The following ICA1 variants were observed in gnomAD, a reference collection of about 807,000 sequenced individuals.
ICA1 encodes the protein 69 kDa islet cell autoantigen.
In ICA1, 40 loss-of-function variants were observed where a neutral mutation model predicts 71.0. That is an observed-to-expected ratio of 0.56 (90% CI 0.44 to 0.73). ICA1 has a LOEUF of 0.73. ICA1 is among the 30% of genes least tolerant of loss of function. ICA1 has a pLI of 0.00. For synonymous variants in ICA1, 207 were observed against 209.5 expected (o/e 0.99, Z 0.10); for missense variants, 578 against 576.5 (o/e 1.00, Z -0.03).
intron 6 of ICA1, among the ~76,000 whole-genome samples, chr7:8,188,873 A>G (rs1784671524): frequency 1.3e-5 from 2 of 152,168 alleles, no homozygotes; most frequent in South Asian, 4.1e-4. Context: ...TCTATCTTTC[A>G]GTGACGCAAA....
In ICA1 at chr7:8,204,941, A is replaced by T. The variant is rs144685554; in HGVS notation, c.579+13364T>A. On this transcript the variant is annotated intron_variant, in intron 6 of 13. Transcript: ENST00000402384. ...AGGAGGGACAATTAAGTCCACAATG[A>T]ATCTAATAGGTTTTGCCTAAAACCT... 6.6e-5 allele frequency among the ~76,000 whole-genome samples: 10 copies of T among 152,296 alleles called. No individual in the cohort carries two copies. The East Asian group carries it at 1.9e-3, about 29-fold the overall frequency.
intron 4 of ICA1, among the ~76,000 whole-genome samples, chr7:8,225,303 G>C (rs1004807711): frequency 1.3e-5 from 2 of 152,056 alleles, no homozygotes. Context: ...TCTTCATATA[G>C]ATTTAAGGGA....
At chr7:8,192,521 T>C (rs1297770131) in intron 6 of ICA1, among the ~76,000 whole-genome samples, 1 of 152,246 alleles carries the variant, frequency 6.6e-6, no homozygotes, top group Admixed American at 6.5e-5. Flanking sequence ...GTTTCTCCAT[T>C]TGAGTTACTA....
intron 11 of ICA1, 22 bp downstream of exon 11, chr7:8,138,963 A>T: frequency 6.2e-7 from 1 of 1,603,578 alleles, no homozygotes; most frequent in Non-Finnish European, 8.5e-7. Flanking sequence ...AAAATTGAGT[A>T]GTTTTCCTTA....
intron 8 of ICA1, among the ~76,000 whole-genome samples, chr7:8,148,067 T>C (rs550674662): frequency 6.6e-6 from 1 of 152,192 alleles, no homozygotes; most frequent in Non-Finnish European, 1.5e-5. Context: ...CTAGGACTGG[T>C]TCCCATCCTG....
intron 6 of ICA1, among the ~76,000 whole-genome samples, chr7:8,179,821 GA>G (rs1423499573): frequency 6.6e-6 from 1 of 152,002 alleles, no homozygotes; most frequent in Non-Finnish European, 1.5e-5. Flanking sequence ...ATATATGTAT[GA>G]AATGGTAAAG....
chr7:8,254,462 C>T (rs1313961692), intron 1 of ICA1, among the ~76,000 whole-genome samples: 1 of 149,320 alleles, frequency 6.7e-6, no homozygotes, highest in African/African-American at 2.5e-5. Context: ...ACTATATGAT[C>T]ATGTATGCTC....
At chr7:8,176,695 G>A (rs1780738007) in intron 6 of ICA1, among the ~76,000 whole-genome samples, 1 of 152,182 alleles carries the variant, frequency 6.6e-6, no homozygotes, top group Non-Finnish European at 1.5e-5. Context: ...GGCACAACAT[G>A]CTCTGTTTGC....
At chr7:8,180,525 G>A (rs1201218924) in intron 6 of ICA1, among the ~76,000 whole-genome samples, 1 of 152,004 alleles carries the variant, frequency 6.6e-6, no homozygotes, top group East Asian at 1.9e-4. Flanking sequence ...CATTCTCCTT[G>A]AGTATATGCC....
chr7:8,216,164 G>T (rs911535594), intron 6 of ICA1, among the ~76,000 whole-genome samples: 1 of 152,204 alleles, frequency 6.6e-6, no homozygotes, highest in Admixed American at 6.5e-5. Context: ...GAGAAAACAT[G>T]GGTGTGGCAC....
intron 6 of ICA1, among the ~76,000 whole-genome samples, chr7:8,172,909 A>G: frequency 6.6e-6 from 1 of 152,222 alleles, no homozygotes; most frequent in Non-Finnish European, 1.5e-5. Context: ...GTATTTAAAT[A>G]TAACTAGCAC....
chr7:8,191,624 T>G (rs1785677143), intron 6 of ICA1, among the ~76,000 whole-genome samples: 1 of 152,096 alleles, frequency 6.6e-6, no homozygotes, highest in South Asian at 2.1e-4. Context: ...TATTTTCAAC[T>G]TGATGGGTTT....
intron 6 of ICA1, among the ~76,000 whole-genome samples, chr7:8,168,421 A>C (rs1806975446): frequency 6.6e-6 from 1 of 152,180 alleles, no homozygotes; most frequent in Non-Finnish European, 1.5e-5. Flanking sequence ...CTCATCTGAC[A>C]AATAAATATC....
intron 2 of ICA1, among the ~76,000 whole-genome samples, chr7:8,233,297 G>A (rs1005411582): frequency 1.6e-4 from 24 of 152,266 alleles, no homozygotes; most frequent in Admixed American, 1.4e-3. Context: ...AAGGTAGGAA[G>A]AAATGAGAAA....
At chr7:8,157,070 CTT>C in intron 8 of ICA1, 44 bp downstream of exon 8, 1 of 1,613,992 alleles carries the variant, frequency 6.2e-7, no homozygotes, top group Non-Finnish European at 8.5e-7. Context: ...ATAAACAAAA[CTT>C]TACTTTTCTC....
chr7:8,138,793 T>TA (rs779434614), intron 12 of ICA1, 47 bp downstream of exon 12: 17 of 1,423,504 alleles, frequency 1.2e-5, no homozygotes, highest in Middle Eastern at 2.3e-4. Flanking sequence ...AAGAGTAATT[T>TA]AAAAAATCAA....
rs748624573 is a variant in ICA1, at chr7:8,138,884, TTAGAG to T, written c.1019-8_1019-4del. On this transcript the variant is annotated splice_region_variant and splice_polypyrimidine_tract_variant and intron_variant, in intron 11 of 13. Transcript: ENST00000402384. ...GTCTAATAGTTCATCTATGGGTCCT[TTAGAG>T]AAGAGGAAAGAAAACAAAATTATAA... 1 of 1,606,310 alleles carries T rather than the reference TTAGAG, an allele frequency of 6.2e-7. No homozygotes were observed. The highest frequency in any genetic ancestry group is 8.5e-7 in the Non-Finnish European group (1 of 1,173,272).
intron 1 of ICA1, among the ~76,000 whole-genome samples, chr7:8,246,858 T>C (rs1806213939): frequency 6.6e-6 from 1 of 152,192 alleles, no homozygotes; most frequent in African/African-American, 2.4e-5. Context: ...GCGATTCTCT[T>C]GCCTCAGCCT....
intron 13 of ICA1, among the ~76,000 whole-genome samples, chr7:8,121,005 C>G (rs1310168390): frequency 6.6e-6 from 1 of 152,226 alleles, no homozygotes; most frequent in Admixed American, 6.5e-5. Flanking sequence ...ACAGTTCCCC[C>G]TCAGGCCTAG....
Sources: allele counts gnomAD v4.1 joint callset (sites outside exome capture counted in the v4.1 genomes callset), GRCh38; gene constraint gnomAD v4.1.1; transcripts MANE v1.5; gene names NCBI Gene and HGNC (gene_info 2026-07-23, HGNC 2026-07-21).